NAALADL2: variants seen among roughly 807,000 people sequenced by gnomAD.
NAALADL2 encodes inactive N-acetylated-alpha-linked acidic dipeptidase-like protein 2.
In NAALADL2, 76 loss-of-function variants were observed where a neutral mutation model predicts 87.2. That is an observed-to-expected ratio of 0.87 (90% CI 0.72 to 1.05). NAALADL2 has a LOEUF of 1.05. NAALADL2 is among the 50% of genes least tolerant of loss of function. The probability of loss-of-function intolerance (pLI) is 0.00; values close to 1 mark genes in which losing one functional copy is unlikely to be tolerated. For missense variants in NAALADL2, 1,089 were observed against 945.8 expected (o/e 1.15, Z -1.99); for synonymous variants, 354 against 331.0 (o/e 1.07, Z -0.75).
At chr3:174,926,859 G>T (rs546442599) in intron 1 of NAALADL2, among the ~76,000 whole-genome samples, 14 of 152,008 alleles carry the variant, frequency 9.2e-5, no homozygotes, top group African/African-American at 2.2e-4. Context: ...ATAACAATAT[G>T]AACCTTAAAT....
intron 1 of NAALADL2, among the ~76,000 whole-genome samples, chr3:174,897,624 T>G (rs2079261190): frequency 6.6e-6 from 1 of 152,098 alleles, no homozygotes; most frequent in Admixed American, 6.5e-5. Flanking sequence ...CTCAGAAAAC[T>G]AGAAATATAG....
At chr3:175,735,611 A>C (rs933639896) in intron 11 of NAALADL2, among the ~76,000 whole-genome samples, 29 of 152,176 alleles carry the variant, frequency 1.9e-4, no homozygotes, top group Non-Finnish European at 4.0e-4. Context: ...TGGTGGCAGG[A>C]AAAAAGAGAG....
At chr3:175,101,494 A>G (rs1722162727) in intron 2 of NAALADL2, among the ~76,000 whole-genome samples, 1 of 152,222 alleles carries the variant, frequency 6.6e-6, no homozygotes, top group South Asian at 2.1e-4. Flanking sequence ...CTATTATATA[A>G]TAAATCCACC....
chr3:174,642,779 TATATATATATG>T (rs1723374912), intron 2 of NAALADL2, among the ~76,000 whole-genome samples: 1 of 135,908 alleles, frequency 7.4e-6, no homozygotes, highest in Non-Finnish European at 1.5e-5. Context: ...TATATATATA[TATATATATATG>T]TTTTTTTTCA....
intron 4 of NAALADL2, among the ~76,000 whole-genome samples, chr3:175,318,178 T>G (rs1264982671): frequency 6.6e-6 from 1 of 152,110 alleles, no homozygotes; most frequent in Non-Finnish European, 1.5e-5. Flanking sequence ...CAATTTAAAT[T>G]ATATAAAATT....
chr3:174,702,538 T>G (rs1729656188), intron 2 of NAALADL2, among the ~76,000 whole-genome samples: 1 of 152,178 alleles, frequency 6.6e-6, no homozygotes, highest in Non-Finnish European at 1.5e-5. Flanking sequence ...AAGAAATATG[T>G]CATAAGGCAA....
chr3:175,496,376 T>C (rs997653245), intron 9 of NAALADL2, among the ~76,000 whole-genome samples: 4 of 151,690 alleles, frequency 2.6e-5, no homozygotes, highest in African/African-American at 9.7e-5. Flanking sequence ...TTTATCTTTT[T>C]TATTTTAAAA....
intron 2 of NAALADL2, among the ~76,000 whole-genome samples, chr3:175,158,205 A>G (rs1396005646): frequency 6.6e-6 from 1 of 152,066 alleles, no homozygotes; most frequent in Non-Finnish European, 1.5e-5. Flanking sequence ...CATATTCAAT[A>G]TTCCATATCA....
chr3:175,284,404 GATTAT>G (rs1754727868), intron 4 of NAALADL2, among the ~76,000 whole-genome samples: 1 of 151,658 alleles, frequency 6.6e-6, no homozygotes, highest in African/African-American at 2.4e-5. Flanking sequence ...ATTATATTCT[GATTAT>G]ATTATGTCTT....
Position 175,636,198 on chromosome 3 carries a change from TTG to T in NAALADL2, c.1896+8827_1896+8828del, listed in dbSNP as rs3040732. ...GTATTGATCCTCGGAAAATCCTAAA[TTG>T]TGTGTGTGTGTGTGCGTGTGTGTGC... On this transcript the variant is annotated intron_variant, in intron 11 of 13. Transcript: ENST00000454872. Among the ~76,000 whole-genome samples, 502 of 150,946 alleles carry T rather than the reference TTG, an allele frequency of 3.3e-3. 2 individuals are homozygous for T. The highest frequency in any genetic ancestry group is 5.7e-3 in the Non-Finnish European group (387 of 67,692).
At chr3:175,365,199 A>G (rs1376419217) in intron 5 of NAALADL2, among the ~76,000 whole-genome samples, 1 of 147,620 alleles carries the variant, frequency 6.8e-6, no homozygotes, top group Admixed American at 7.0e-5. Flanking sequence ...ATTTTCAATA[A>G]GTCTCTAAAT....
intron 2 of NAALADL2, among the ~76,000 whole-genome samples, chr3:174,663,635 G>A (rs10936813): frequency 0.077 from 11,766 of 152,086 alleles, 671 homozygotes; most frequent in South Asian, 0.27. Flanking sequence ...CAAGCCATTC[G>A]TGAGGTATCT....
At chr3:175,699,995 T>G (rs1308059371) in intron 11 of NAALADL2, among the ~76,000 whole-genome samples, 2 of 152,144 alleles carry the variant, frequency 1.3e-5, no homozygotes, top group Admixed American at 1.3e-4. Context: ...ACTTCCAAGC[T>G]GTATTTTTAG....
intron 10 of NAALADL2, among the ~76,000 whole-genome samples, chr3:175,610,641 C>T (rs1425709584): frequency 6.6e-6 from 1 of 152,024 alleles, no homozygotes; most frequent in Non-Finnish European, 1.5e-5. Context: ...AGCCATCTTA[C>T]CATCTTCTTC....
At chr3:175,787,361 G>A (rs927250412) in intron 13 of NAALADL2, among the ~76,000 whole-genome samples, 1 of 152,192 alleles carries the variant, frequency 6.6e-6, no homozygotes, top group Non-Finnish European at 1.5e-5. Context: ...AGCAATCAGT[G>A]AGACTCCGTG....
intron 1 of NAALADL2, among the ~76,000 whole-genome samples, chr3:175,090,949 A>G (rs1719995385): frequency 1.4e-5 from 2 of 143,668 alleles, no homozygotes; most frequent in East Asian, 4.1e-4. Context: ...AGTTGCCAAG[A>G]CCATTTCACT....
At chr3:174,861,817 CAG>C (rs1279614228) in intron 1 of NAALADL2, among the ~76,000 whole-genome samples, 5 of 152,040 alleles carry the variant, frequency 3.3e-5, no homozygotes. Context: ...ATTATACTCT[CAG>C]GGGGTTAGTT....
At chr3:175,056,166 TC>T (rs1712121574) in intron 1 of NAALADL2, among the ~76,000 whole-genome samples, 3 of 152,098 alleles carry the variant, frequency 2.0e-5, no homozygotes, top group African/African-American at 7.2e-5. Context: ...CTCTTTTTCT[TC>T]AAAATAATAA....
At chr3:175,340,828 CAA>C (rs971573027) in intron 5 of NAALADL2, among the ~76,000 whole-genome samples, 7 of 152,076 alleles carry the variant, frequency 4.6e-5, no homozygotes, top group African/African-American at 1.7e-4. Context: ...GGAGACAAAA[CAA>C]AGAGTCCCTC....
Sources: allele counts gnomAD v4.1 joint callset (sites outside exome capture counted in the v4.1 genomes callset), GRCh38; gene constraint gnomAD v4.1.1; transcripts MANE v1.5; gene names NCBI Gene and HGNC (gene_info 2026-07-23, HGNC 2026-07-21).